HMG20B: variants seen among roughly 807,000 people sequenced by gnomAD.
HMG20B encodes high mobility group 20B.
Under a neutral mutation model 41.6 loss-of-function variants are expected in HMG20B, and 24 were observed. The ratio of observed to expected loss-of-function variants is 0.58; its 90% CI spans 0.42 to 0.81. The LOEUF (loss-of-function observed/expected upper bound fraction) is 0.81. Ranked by LOEUF, HMG20B falls within the 30% of genes least tolerant of loss-of-function variation. The probability of loss-of-function intolerance (pLI) is 0.00; values close to 1 mark genes in which losing one functional copy is unlikely to be tolerated. For synonymous variants in HMG20B, 251 were observed against 186.6 expected, an observed-to-expected ratio of 1.34 and a Z score of -2.81; for missense variants, 461 against 444.0, an observed-to-expected ratio of 1.04 and a Z score of -0.34.
chr19:3,575,959 AG>A (rs2032152684), intron 5 of HMG20B: 2 of 469,412 alleles, frequency 4.3e-6, no homozygotes, highest in Admixed American at 3.8e-5. Flanking sequence ...AAAAAAAAAA[AG>A]AAAAAGAAAA....
At position 3,578,851 on chromosome 19, in the gene HMG20B, C is replaced by T. The variant is rs2032233689; in HGVS notation, c.*330C>T. ...GGGCAGACGAAACCCACCCCCAGCA[C>T]ACGGCAGGACCCCCCAAATTACTCA... On this transcript the variant is annotated 3_prime_UTR_variant, in exon 10 of 10. Transcript: ENST00000333651. 6.5e-6 allele frequency: 4 copies of T among 617,600 alleles called. No individual in the cohort carries two copies. The highest frequency in any genetic ancestry group is 1.8e-5 in the African/African-American group (1 of 55,348). The allele number at this position is 617,600 out of a possible 1,614,324, so 38.3% of individuals were successfully genotyped here. A position where few individuals can be genotyped will look rare whatever the true frequency, so the allele number is the denominator to read the frequency against.
Position 3,578,921 on chromosome 19 carries a change from G to GGGTGTCCCCCACAA in HMG20B, c.*402_*403insTGTCCCCCACAAGG. The GGGTGTCCCCCACAA allele has an allele frequency of 2.1e-6, 1 of 474,218 alleles. No homozygotes were observed. 29.4% of individuals were successfully genotyped at this position (474,218 alleles called of 1,614,324 possible). The stretch of plus-strand genomic sequence containing the variant: ...AGGCCACACAGGAAGCTGCCTTGTG[G>GGGTGTCCCCCACAA]GGACTTACCTGGGGTGTCCCCCGCA... On this transcript the variant is annotated 3_prime_UTR_variant, in exon 10 of 10. Transcript: ENST00000333651.
At chr19:3,578,178 C>T (rs1215660985) in intron 9 of HMG20B, 65 bp downstream of exon 9, 6 of 1,574,886 alleles carry the variant, frequency 3.8e-6, no homozygotes, top group Non-Finnish European at 5.2e-6. Context: ...CCCTGGGGTT[C>T]CCCAGGTCCG....
chr19:3,577,070 G>A lies in HMG20B; in HGVS notation c.771G>A (p.Gln257=), dbSNP rs369203532. 3.1e-4 allele frequency: 481 copies of A among 1,542,150 alleles called. 2 individuals carry two copies. In the African/African-American group the frequency reaches 6.2e-3, roughly 20 times the overall value. ...AGCAGCAGCTCCAGGCCGTGCGCCA[G>A]GCGCTCACCGCCAGCTTCGCCTCAC... ...ALQQQLQAVR[Q]ALTASFASLP... Residue 257 remains glutamine, a synonymous_variant, in exon 8 of 10, where the codon CAG becomes CAA. Coordinates refer to ENST00000333651, the MANE Select transcript of HMG20B (RefSeq NM_006339.3).
At chr19:3,573,259 C>A in intron 1 of HMG20B, 33 bp from the exon 2 acceptor site, 1 of 1,500,198 alleles carries the variant, frequency 6.7e-7, no homozygotes, top group East Asian at 2.7e-5. Context: ...GCAGCCCGGG[C>A]GCTACTCACC....
chr19:3,576,675 G>GAGGGGGGCGTGGGCC, intron 7 of HMG20B, 50 bp downstream of exon 7: 1 of 1,543,672 alleles, frequency 6.5e-7, no homozygotes, highest in Non-Finnish European at 8.9e-7. Flanking sequence ...CTGGGTGGTA[G>GAGGGGGGCGTGGGCC]AGGGGGGCGT....
chr19:3,575,641 G>C lies in HMG20B; in HGVS notation c.453G>C (p.Gln151His). ...ATAAGATGTGCACGGAGAAGATCCA[G>C]GAGAAGAAGATCAAGAAAGGTGGGA... ...EAYKMCTEKI[Q>H]EKKIKKEDSS... Residue 151 changes from glutamine to histidine, a missense_variant, in exon 5 of 10, where the codon CAG (glutamine) becomes CAC (histidine). By Grantham distance (24) the Gln-to-His change is conservative. Transcript: ENST00000333651. 1 of 1,551,130 alleles carries C rather than the reference G, an allele frequency of 6.4e-7. No homozygotes were observed. Among genetic ancestry groups the C allele is most frequent in the Non-Finnish European group, 8.7e-7 (1 of 1,146,950 alleles).
At chr19:3,574,300 CG>C in intron 3 of HMG20B, 82 bp from the exon 4 acceptor site, 1 of 474,754 alleles carries the variant, frequency 2.1e-6, no homozygotes, top group Non-Finnish European at 3.9e-6. Flanking sequence ...CCCGCCCATA[CG>C]CGTTAGGCCC....
chr19:3,575,118 T>A (rs1028157004), intron 4 of HMG20B, among the ~76,000 whole-genome samples: 2 of 152,282 alleles, frequency 1.3e-5, no homozygotes, highest in East Asian at 3.9e-4. Flanking sequence ...GGGGCCTGGA[T>A]TTTTTGCGAA....
In HMG20B at chr19:3,576,632, G is replaced by A. The variant is rs1316350728; in HGVS notation, c.592+7G>A. 2.5e-6 allele frequency: 4 copies of A among 1,610,272 alleles called. No homozygotes were observed. Among genetic ancestry groups the A allele is most frequent in the East Asian group, 2.2e-5 (1 of 44,848 alleles). ...TTCTTGGACCAAAACAAAGGTGAGC[G>A]GTAACTGCGCTCCTGATGCGAACTC... On this transcript the variant is annotated splice_region_variant and intron_variant, in intron 7 of 9. Coordinates refer to ENST00000333651, the MANE Select transcript of HMG20B (RefSeq NM_006339.3).
chr19:3,577,862 G>T, intron 8 of HMG20B, 119 bp from the exon 9 acceptor site: 1 of 883,800 alleles, frequency 1.1e-6, no homozygotes, highest in Non-Finnish European at 1.7e-6. Flanking sequence ...TGCGCTGGCG[G>T]TGTCCGGACC....
In HMG20B at chr19:3,577,004, G is replaced by C. The variant is rs1318616439; in HGVS notation, c.705G>C (p.Glu235Asp). Reference sequence around the variant, plus strand: ...TGAGCAGCGCGCGCGAGCGTCTGGAGCAGGAGCTGGCGCTGGAGGAGCGGA... The same window carrying C: ...TGAGCAGCGCGCGCGAGCGTCTGGACCAGGAGCTGGCGCTGGAGGAGCGGA... The part of the protein sequence containing the change: ...QSMSSARERL[E>D]QELALEERRT... The change falls in exon 8 of 10, where the codon GAG (glutamate) becomes GAC (aspartate). Residue 235 changes from glutamate to aspartate, a missense_variant. Around this residue, in one of 3 missense-constraint regions of HMG20B, gnomAD observed 308 missense variants for 283.4 expected, o/e 1.09. Transcript: ENST00000333651. 3.2e-6 allele frequency: 5 copies of C among 1,558,832 alleles called. No individual in the cohort carries two copies. The highest frequency in any genetic ancestry group is 4.3e-6 in the Non-Finnish European group (5 of 1,152,680).
At chr19:3,573,372 C>T (rs989923759) in intron 2 of HMG20B, 25 bp downstream of exon 2, 3 of 1,515,380 alleles carry the variant, frequency 2.0e-6, no homozygotes, top group African/African-American at 2.8e-5. Context: ...CCCCTCCCCA[C>T]GCCCTCGCTA....
chr19:3,578,157 G>T (rs746919457), intron 9 of HMG20B, 44 bp downstream of exon 9: 3 of 1,593,100 alleles, frequency 1.9e-6, no homozygotes. Flanking sequence ...TTCAAGGCCC[G>T]GATGTGCCCG....
chr19:3,573,822 T>G, intron 3 of HMG20B, 22 bp downstream of exon 3: 1 of 1,573,176 alleles, frequency 6.4e-7, no homozygotes, highest in East Asian at 2.3e-5. Flanking sequence ...TGCGCTGAGC[T>G]GGGGGAGGCC....
intron 3 of HMG20B, 76 bp from the exon 4 acceptor site, chr19:3,574,307 G>T: frequency 1.5e-6 from 1 of 648,924 alleles, no homozygotes; most frequent in Non-Finnish European, 2.6e-6. Context: ...ATACGCGTTA[G>T]GCCCCGCCCA....
rs911265009 is a variant in HMG20B at position 3,573,292 on chromosome 19, G to C, written c.-18G>C. The C allele has an allele frequency of 3.9e-6, 6 of 1,522,628 alleles. No individual in the cohort carries two copies. The Admixed American group carries it at 6.0e-5, about 15-fold the overall frequency. 94.3% of individuals were successfully genotyped at this position (1,522,628 alleles called of 1,614,324 possible). A position where few individuals can be genotyped will look rare whatever the true frequency, so the allele number is the denominator to read the frequency against. ...ACCTCCGCCCGCGTCCGTGTTCCAG[G>C]TCCGGCCCGGAGCGGCCATGTCCCA... On this transcript the variant is annotated splice_region_variant and 5_prime_UTR_variant, in exon 2 of 10. Transcript: ENST00000333651.
intron 3 of HMG20B, 58 bp from the exon 4 acceptor site, chr19:3,574,325 C>T (rs955864927): frequency 4.0e-6 from 6 of 1,482,684 alleles, no homozygotes; most frequent in Middle Eastern, 3.5e-4. Context: ...CCATGCCCCT[C>T]TGAGCCCTGC....
chr19:3,578,207 A>G lies in HMG20B; in HGVS notation c.941+94A>G, dbSNP rs184592330. On this transcript the variant is annotated intron_variant, in intron 9 of 9. Coordinates refer to ENST00000333651, the MANE Select transcript of HMG20B (RefSeq NM_006339.3). ...AGGTCCGCGAGGGCTGCTGGGTGGG[A>G]CTCCGCAGCTTACTAGAGATCACCT... 9 of 1,507,408 alleles carry G rather than the reference A, an allele frequency of 6.0e-6. No individual in the cohort carries two copies. In the Admixed American group the frequency reaches 1.5e-4, roughly 26 times the overall value. The allele number at this position is 1,507,408 out of a possible 1,614,324, so 93.4% of individuals were successfully genotyped here.
Sources: gnomAD v4.1 joint callset for allele counts (sites outside exome capture counted in the v4.1 genomes callset) on GRCh38, gnomAD v4.1.1 for gene constraint, gnomAD v4.1.1 regional missense constraint, MANE v1.5 for transcripts, NCBI Gene and HGNC (gene_info 2026-07-23, HGNC 2026-07-21) for gene names.